FAM110B: variants seen among roughly 807,000 people sequenced by gnomAD.
FAM110B encodes the protein family with sequence similarity 110 member B, also known as protein FAM110B.
In FAM110B, 6 loss-of-function variants were observed where a neutral mutation model predicts 20.4. The ratio of observed to expected loss-of-function variants is 0.29; its 90% CI spans 0.16 to 0.58. The LOEUF (loss-of-function observed/expected upper bound fraction) is 0.58. Among genes scored for constraint, FAM110B ranks in the 20% least tolerant of loss-of-function variants. The pLI, the probability that FAM110B is intolerant of heterozygous loss-of-function variation, is 0.90. For missense variants in FAM110B, 434 were observed against 498.2 expected (o/e 0.87, Z 1.23); for synonymous variants, 226 against 214.1 (o/e 1.06, Z -0.49).
chr8:58,088,663 C>T (rs1337945164), intron 3 of FAM110B, among the ~76,000 whole-genome samples: 1 of 152,176 alleles, frequency 6.6e-6, no homozygotes, highest in Non-Finnish European at 1.5e-5. Flanking sequence ...AATGGAGCCG[C>T]ACTTGAGAGT....
In FAM110B at chr8:58,147,899, A is replaced by G. The variant is rs1047947097; in HGVS notation, c.*556A>G. ...ACATGTTGAAATTCTCTTGCCACTT[A>G]GTGAAGCAGTCATTGGGGTAACAAT... On this transcript the variant is annotated 3_prime_UTR_variant, in exon 4 of 4. Transcript: ENST00000519262. The G allele has an allele frequency of 5.9e-6, 1 of 170,108 alleles. No homozygotes were observed. Among genetic ancestry groups the G allele is most frequent in the African/African-American group, 2.4e-5 (1 of 41,458 alleles). 10.5% of individuals were successfully genotyped at this position (170,108 alleles called of 1,614,324 possible).
intron 3 of FAM110B, among the ~76,000 whole-genome samples, chr8:58,140,644 C>T (rs1411955995): frequency 6.6e-6 from 1 of 152,218 alleles, no homozygotes; most frequent in Non-Finnish European, 1.5e-5. Flanking sequence ...CACCAATGCT[C>T]AATTACCCAA....
At chr8:58,024,675 G>A (rs1301950847) in intron 1 of FAM110B, among the ~76,000 whole-genome samples, 1 of 152,166 alleles carries the variant, frequency 6.6e-6, no homozygotes, top group Non-Finnish European at 1.5e-5. Flanking sequence ...TGTGTGCCCT[G>A]TGCCTATTCC....
chr8:58,131,878 C>G (rs2977374), intron 3 of FAM110B, among the ~76,000 whole-genome samples: 7,910 of 152,206 alleles, frequency 0.052, 282 homozygotes, highest in Admixed American at 0.083. Context: ...TGAAGTGATT[C>G]CCTTGAGGGC....
intron 3 of FAM110B, among the ~76,000 whole-genome samples, chr8:58,098,162 T>C (rs960748253): frequency 6.6e-6 from 1 of 152,126 alleles, no homozygotes; most frequent in African/African-American, 2.4e-5. Context: ...TTCCCCCAGG[T>C]GTTCTGTCCC....
At chr8:58,023,700 T>C (rs1804800754) in intron 1 of FAM110B, among the ~76,000 whole-genome samples, 1 of 152,222 alleles carries the variant, frequency 6.6e-6, no homozygotes, top group South Asian at 2.1e-4. Flanking sequence ...GTGTTTGCTT[T>C]GTTATTGTAT....
intron 3 of FAM110B, among the ~76,000 whole-genome samples, chr8:58,137,882 G>C (rs1182258432): frequency 6.6e-6 from 1 of 152,168 alleles, no homozygotes; most frequent in Admixed American, 6.5e-5. Context: ...TTCAGACCTG[G>C]AAGAGTGCTG....
At chr8:57,996,404 C>CT (rs1424169766) in intron 1 of FAM110B, among the ~76,000 whole-genome samples, 2 of 151,944 alleles carry the variant, frequency 1.3e-5, no homozygotes, top group African/African-American at 4.8e-5. Context: ...AAATTCTGAT[C>CT]TGTTAGGTCA....
chr8:58,005,377 A>C (rs1804380071), intron 1 of FAM110B, among the ~76,000 whole-genome samples: 2 of 152,232 alleles, frequency 1.3e-5, no homozygotes, highest in South Asian at 4.1e-4. Context: ...CCCTGATCAC[A>C]CATCACCTTA....
intron 3 of FAM110B, chr8:58,091,694 A>C (rs1015852895): frequency 5.9e-5 from 9 of 152,178 alleles, no homozygotes; most frequent in Non-Finnish European, 1.3e-4. Flanking sequence ...CCCATTCAGC[A>C]TTCTTATAAA....
chr8:58,075,675 C>G (rs1806021086), intron 3 of FAM110B, 52 bp downstream of exon 3: 1 of 152,024 alleles, frequency 6.6e-6, no homozygotes, highest in South Asian at 2.1e-4. Flanking sequence ...TATTGATTCT[C>G]TACGAAAACC....
At chr8:58,094,614 G>GGATAAGCTTT (rs1349382105) in intron 3 of FAM110B, among the ~76,000 whole-genome samples, 4 of 152,156 alleles carry the variant, frequency 2.6e-5, no homozygotes, top group African/African-American at 9.7e-5. Context: ...TGATCGTGAT[G>GGATAAGCTTT]GATAAGCTTT....
chr8:58,111,062 T>C (rs1401408809), intron 3 of FAM110B, among the ~76,000 whole-genome samples: 1 of 152,204 alleles, frequency 6.6e-6, no homozygotes, highest in Non-Finnish European at 1.5e-5. Flanking sequence ...ATACATTTAA[T>C]GTTAAGAAAA....
At chr8:58,079,630 A>T (rs1043647568) in intron 3 of FAM110B, among the ~76,000 whole-genome samples, 10 of 152,140 alleles carry the variant, frequency 6.6e-5, no homozygotes, top group Non-Finnish European at 1.5e-4. Context: ...AAATTTTTTA[A>T]ATTAGCCAGG....
intron 1 of FAM110B, among the ~76,000 whole-genome samples, chr8:58,003,657 G>A (rs898443246): frequency 6.6e-6 from 1 of 152,202 alleles, no homozygotes; most frequent in Non-Finnish European, 1.5e-5. Context: ...GTGACCAGGG[G>A]CATTGTAATT....
At chr8:57,997,560 A>G (rs781300735) in intron 1 of FAM110B, among the ~76,000 whole-genome samples, 6 of 152,194 alleles carry the variant, frequency 3.9e-5, no homozygotes, top group Non-Finnish European at 8.8e-5. Flanking sequence ...ACCTACTTGC[A>G]TCTTGAATTT....
intron 2 of FAM110B, among the ~76,000 whole-genome samples, chr8:58,075,275 T>TTGTGTGTGTG (rs60073899): frequency 7.1e-6 from 1 of 141,670 alleles, no homozygotes; most frequent in Non-Finnish European, 1.5e-5. Flanking sequence ...TTTTTTTTTT[T>TTGTGTGTGTG]TGTGTGTGTG....
intron 1 of FAM110B, among the ~76,000 whole-genome samples, chr8:57,996,708 T>G (rs996624013): frequency 6.6e-6 from 1 of 152,188 alleles, no homozygotes; most frequent in African/African-American, 2.4e-5. Flanking sequence ...CTGCACTCCC[T>G]TGTTCTCTAG....
intron 3 of FAM110B, among the ~76,000 whole-genome samples, chr8:58,138,314 G>T (rs1042384439): frequency 2.6e-5 from 4 of 152,224 alleles, no homozygotes; most frequent in Non-Finnish European, 5.9e-5. Flanking sequence ...CCTTTGAGGG[G>T]ACTTCTTTGA....
Sources: allele counts gnomAD v4.1 joint callset (sites outside exome capture counted in the v4.1 genomes callset), GRCh38; gene constraint gnomAD v4.1.1; transcripts MANE v1.5; gene names NCBI Gene and HGNC (gene_info 2026-07-23, HGNC 2026-07-21).